Variants in GRIA1 observed in about 807,000 individuals in gnomAD.
GRIA1 encodes the protein glutamate receptor 1.
In GRIA1, 31 loss-of-function variants were observed where a neutral mutation model predicts 99.2. The observed-to-expected ratio is 0.31, with a 90% CI of 0.23 to 0.42. The LOEUF (loss-of-function observed/expected upper bound fraction) is 0.42. GRIA1 is among the 10% of genes least tolerant of loss of function. The pLI is 1.00. For synonymous variants in GRIA1, 438 were observed against 432.4 expected (o/e 1.01, Z -0.16); for missense variants, 782 against 1,157.5 (o/e 0.68, Z 4.71).
At chr5:153,671,879 G>A (rs944773649) in intron 5 of GRIA1, among the ~76,000 whole-genome samples, 4 of 152,194 alleles carry the variant, frequency 2.6e-5, no homozygotes, top group African/African-American at 9.6e-5. Flanking sequence ...GAACACATGA[G>A]TAAACAAGAT....
At chr5:153,576,940 GGA>G (rs1342635580) in intron 2 of GRIA1, among the ~76,000 whole-genome samples, 1 of 136,018 alleles carries the variant, frequency 7.4e-6, no homozygotes, top group East Asian at 3.2e-4. Flanking sequence ...ATGGATGGAT[GGA>G]TGGATGGATG....
chr5:153,808,230 C>A (rs1425251127), intron 15 of GRIA1, among the ~76,000 whole-genome samples: 2 of 152,140 alleles, frequency 1.3e-5, no homozygotes, highest in Non-Finnish European at 2.9e-5. Flanking sequence ...TTTTACTCAT[C>A]CCTTTGTCTC....
At chr5:153,541,034 C>T (rs903628765) in intron 2 of GRIA1, among the ~76,000 whole-genome samples, 1 of 152,208 alleles carries the variant, frequency 6.6e-6, no homozygotes, top group Non-Finnish European at 1.5e-5. Context: ...CCAGGCTCTT[C>T]TCTTCAGCCT....
chr5:153,535,869 G>A (rs1452172686), intron 2 of GRIA1, among the ~76,000 whole-genome samples: 1 of 152,246 alleles, frequency 6.6e-6, no homozygotes, highest in East Asian at 1.9e-4. Context: ...TTCTGGAGCT[G>A]TTACCTCTAC....
chr5:153,587,273 C>T lies in GRIA1; in HGVS notation c.221-59655C>T, dbSNP rs533033132. On this transcript the variant is annotated intron_variant, in intron 2 of 15. Transcript: ENST00000285900. ...GCACCTCCCCCACCACCCTCTCTCA[C>T]TCTTGTTTTTGCCATGTGACATGCT... 2.6e-5 allele frequency among the ~76,000 whole-genome samples: 4 copies of T among 152,240 alleles called. No individual in the cohort carries two copies. The East Asian group carries it at 7.7e-4, about 29-fold the overall frequency.
At chr5:153,728,712 G>A (rs199785246) in intron 11 of GRIA1, among the ~76,000 whole-genome samples, 3,287 of 63,980 alleles carry the variant, frequency 0.051, 19 homozygotes, top group East Asian at 0.17. Context: ...TAGAATGGCA[G>A]TCATTAAAAA....
intron 11 of GRIA1, among the ~76,000 whole-genome samples, chr5:153,764,198 T>C (rs2149607922): frequency 6.6e-6 from 1 of 152,342 alleles, no homozygotes; most frequent in Middle Eastern, 3.4e-3. Context: ...AATACGTGCA[T>C]GTGGGCTTTA....
chr5:153,489,893 T>G (rs1753757507), upstream of GRIA1: 1 of 454,590 alleles, frequency 2.2e-6, no homozygotes, highest in South Asian at 1.6e-5. Flanking sequence ...TATAGACTCC[T>G]GTGGAATGCA....
At chr5:153,701,398 AG>A (rs1341826256) in intron 10 of GRIA1, among the ~76,000 whole-genome samples, 2 of 151,958 alleles carry the variant, frequency 1.3e-5, no homozygotes, top group Non-Finnish European at 2.9e-5. Context: ...GTGGATCACG[AG>A]GTCAGGAGAT....
intron 2 of GRIA1, among the ~76,000 whole-genome samples, chr5:153,554,019 C>A (rs1760392092): frequency 6.6e-6 from 1 of 152,078 alleles, no homozygotes; most frequent in Non-Finnish European, 1.5e-5. Flanking sequence ...TGCTCAAGAT[C>A]ACATAATTAT....
intron 14 of GRIA1, among the ~76,000 whole-genome samples, chr5:153,796,776 T>A (rs889051235): frequency 6.7e-6 from 1 of 150,322 alleles, no homozygotes; most frequent in African/African-American, 2.4e-5. Context: ...AGCTTAGATA[T>A]CCTGCCCCCA....
chr5:153,677,997 A>G (rs1464069371), intron 7 of GRIA1, among the ~76,000 whole-genome samples: 1 of 152,214 alleles, frequency 6.6e-6, no homozygotes, highest in Non-Finnish European at 1.5e-5. Context: ...CCGAAGGGAC[A>G]GGGAGAGGAT....
rs76115986 is a variant in GRIA1 at position 153,578,940 on chromosome 5, C to T, written c.221-67988C>T. Among the ~76,000 whole-genome samples, 453 of 152,094 alleles carry T rather than the reference C, an allele frequency of 3.0e-3. 4 individuals carry two copies. Among genetic ancestry groups the T allele is most frequent in the African/African-American group, 0.01 (428 of 41,510 alleles). ...AATAAATAAATAAATAAAAGAATTT[C>T]GCCCAGTCACTGAACTTCTTTGTGA... On this transcript the variant is annotated intron_variant, in intron 2 of 15. Transcript: ENST00000285900.
intron 1 of GRIA1, among the ~76,000 whole-genome samples, chr5:153,493,524 G>C (rs1754118442): frequency 6.6e-6 from 1 of 152,200 alleles, no homozygotes; most frequent in Non-Finnish European, 1.5e-5. Context: ...TCTGGTGAGA[G>C]ATGAGGCTGA....
At chr5:153,693,063 GC>G (rs1226307567) in intron 8 of GRIA1, among the ~76,000 whole-genome samples, 1 of 152,120 alleles carries the variant, frequency 6.6e-6, no homozygotes, top group African/African-American at 2.4e-5. Context: ...TGCAAAAGAA[GC>G]TTTTTTTTGT....
intron 2 of GRIA1, among the ~76,000 whole-genome samples, chr5:153,616,495 T>C (rs1766518246): frequency 6.6e-6 from 1 of 151,168 alleles, no homozygotes; most frequent in Non-Finnish European, 1.5e-5. Flanking sequence ...AAAAAAAAAA[T>C]CTCATAATGT....
intron 11 of GRIA1, among the ~76,000 whole-genome samples, chr5:153,722,861 G>C (rs982959145): frequency 6.6e-6 from 1 of 152,164 alleles, no homozygotes; most frequent in Non-Finnish European, 1.5e-5. Context: ...TGTTGGATTA[G>C]CAATGATTGT....
chr5:153,664,090 A>T (rs11950598), intron 5 of GRIA1, among the ~76,000 whole-genome samples: 121 of 152,320 alleles, frequency 7.9e-4, no homozygotes, highest in African/African-American at 2.8e-3. Context: ...TGAGCTATGT[A>T]ACTAGAAGAG....
intron 2 of GRIA1, among the ~76,000 whole-genome samples, chr5:153,580,344 G>A (rs2131564): frequency 0.1 from 15,281 of 152,198 alleles, 906 homozygotes; most frequent in South Asian, 0.25. Flanking sequence ...AGGGATTTGG[G>A]CAAGGTAAAT....
Sources: gnomAD v4.1 joint callset for allele counts (sites outside exome capture counted in the v4.1 genomes callset) on GRCh38, gnomAD v4.1.1 for gene constraint, MANE v1.5 for transcripts, NCBI Gene and HGNC (gene_info 2026-07-23, HGNC 2026-07-21) for gene names.